ERI1: variants seen among roughly 807,000 people sequenced by gnomAD.
ERI1 encodes 3'-5' exoribonuclease 1.
Under a neutral mutation model 39.7 loss-of-function variants are expected in ERI1, and 39 were observed. The ratio of observed to expected loss-of-function variants is 0.98; its 90% CI spans 0.76 to 1.28. The LOEUF is 1.28. Ranked by LOEUF, ERI1 falls within the 50% of genes most tolerant of loss-of-function variation. The pLI, the probability that ERI1 is intolerant of heterozygous loss-of-function variation, is 0.00. For missense variants in ERI1, 581 were observed against 416.9 expected, an observed-to-expected ratio of 1.39 and a Z score of -3.43; for synonymous variants, 204 against 149.6, an observed-to-expected ratio of 1.36 and a Z score of -2.65.
chr8:9,027,120 A>G (rs929950935), intron 6 of ERI1, among the ~76,000 whole-genome samples: 2 of 142,534 alleles, frequency 1.4e-5, no homozygotes, highest in African/African-American at 2.6e-5. Context: ...ATCTCTGTCA[A>G]TGCTTGTTAT....
chr8:9,011,065 GACTA>G (rs1816615798), intron 2 of ERI1, among the ~76,000 whole-genome samples: 1 of 151,918 alleles, frequency 6.6e-6, no homozygotes, highest in Non-Finnish European at 1.5e-5. Flanking sequence ...CTTTTGAGTT[GACTA>G]ACCTACAAAA....
chr8:9,044,656 C>A (rs570013237), intron 3 of ERI1, among the ~76,000 whole-genome samples: 1 of 152,134 alleles, frequency 6.6e-6, no homozygotes, highest in African/African-American at 2.4e-5. Context: ...CCTTGAAGAA[C>A]AAATCATGAC....
intron 3 of ERI1, among the ~76,000 whole-genome samples, chr8:9,038,879 AGG>A (rs936916012): frequency 9.2e-5 from 14 of 152,222 alleles, no homozygotes; most frequent in African/African-American, 3.4e-4. Flanking sequence ...CTAGAATGAA[AGG>A]GGGTCCAGCA....
intron 6 of ERI1, among the ~76,000 whole-genome samples, chr8:9,022,914 G>A (rs540484320): frequency 1.3e-5 from 2 of 152,218 alleles, no homozygotes; most frequent in South Asian, 4.1e-4. Context: ...TATGTTATCT[G>A]ATCTGTAAAA....
chr8:9,060,941 G>A (rs1420895339), intron 3 of ERI1, among the ~76,000 whole-genome samples: 1 of 152,216 alleles, frequency 6.6e-6, no homozygotes, highest in Non-Finnish European at 1.5e-5. Flanking sequence ...CTTGCGTAGT[G>A]AGGAAACCTC....
intron 3 of ERI1, among the ~76,000 whole-genome samples, chr8:9,012,926 T>G (rs1816820478): frequency 1.3e-5 from 1 of 75,964 alleles, no homozygotes; most frequent in South Asian, 2.8e-4. Context: ...CAATAAAGTT[T>G]AAGCTGTGTA....
rs553042070 is a variant in ERI1 at position 9,074,327 on chromosome 8, ACTTGAACTCCTGAC to A, written n.300-42004_300-41991del. Among the ~76,000 whole-genome samples, 749 of 149,078 alleles carry A rather than the reference ACTTGAACTCCTGAC, an allele frequency of 5.0e-3. 6 individuals carry two copies. The highest frequency in any genetic ancestry group is 0.018 in the African/African-American group (723 of 40,330). ...AGTTTCACCATGTTGGCCAGGCTGG[ACTTGAACTCCTGAC>A]CTTGAACTCCTGACCTCAAGTGATC... On this transcript the variant is annotated intron_variant and non_coding_transcript_variant, in intron 3 of 3. Coordinates refer to the ERI1 transcript ENST00000518663.
chr8:9,023,618 G>T (rs1464099349), intron 6 of ERI1, among the ~76,000 whole-genome samples: 3 of 151,856 alleles, frequency 2.0e-5, no homozygotes, highest in African/African-American at 7.3e-5. Context: ...CTTCGTAATA[G>T]ATAACTATAA....
At position 9,032,851 on chromosome 8, in the gene ERI1, G is replaced by A. The variant is rs1797687002; in HGVS notation, c.*2817G>A. 1 of 152,212 alleles carries A rather than the reference G, an allele frequency of 6.6e-6. No homozygotes were observed. Among genetic ancestry groups the A allele is most frequent in the Non-Finnish European group, 1.5e-5 (1 of 68,048 alleles). 9.4% of individuals were successfully genotyped at this position (152,212 alleles called of 1,614,324 possible). On this transcript the variant is annotated 3_prime_UTR_variant, in exon 7 of 7. Coordinates refer to ENST00000250263, the MANE Select transcript of ERI1 (RefSeq NM_153332.4). ...TGCCAAAGAAACTACCTGCCTCACA[G>A]ATGAGCACGCACGGGTGCATTGTCA... is the stretch of plus-strand genomic sequence containing the variant.
intron 5 of ERI1, 65 bp from the exon 6 acceptor site, chr8:9,020,285 A>G (rs1817738417): frequency 1.6e-5 from 12 of 771,052 alleles, no homozygotes; most frequent in Middle Eastern, 2.6e-4. Context: ...ATGATTTAAA[A>G]TACTCATTTG....
rs993798434 is a variant in ERI1 at position 9,091,033 on chromosome 8, T to C, written n.300-25315T>C. ...GGACACCAATGATCTTCTGAAAATA[T>C]TTTTTTCCAAAAATCAACAGTCTTT... On this transcript the variant is annotated intron_variant and non_coding_transcript_variant, in intron 3 of 3. Coordinates refer to the ERI1 transcript ENST00000518663. 3.3e-5 allele frequency among the ~76,000 whole-genome samples: 5 copies of C among 152,188 alleles called. No homozygotes were observed. In the East Asian group the frequency reaches 9.6e-4, roughly 29 times the overall value.
At chr8:9,093,354 C>G (rs1225449222) in intron 3 of ERI1, among the ~76,000 whole-genome samples, 4 of 152,098 alleles carry the variant, frequency 2.6e-5, no homozygotes, top group African/African-American at 9.7e-5. Context: ...GCAGGTTGGA[C>G]AAGCTTGAAA....
intron 6 of ERI1, among the ~76,000 whole-genome samples, chr8:9,022,744 T>G (rs1275659842): frequency 6.6e-6 from 1 of 152,168 alleles, no homozygotes; most frequent in African/African-American, 2.4e-5. Flanking sequence ...TTTGTGAATT[T>G]TTTTAAAAAT....
At chr8:9,098,668 A>C (rs535066639) in intron 3 of ERI1, among the ~76,000 whole-genome samples, 1 of 152,182 alleles carries the variant, frequency 6.6e-6, no homozygotes, top group Non-Finnish European at 1.5e-5. Context: ...AAGTCACCAC[A>C]AAAGACCTTA....
At chr8:9,053,866 C>T (rs949400241) in intron 3 of ERI1, among the ~76,000 whole-genome samples, 1 of 152,208 alleles carries the variant, frequency 6.6e-6, no homozygotes, top group African/African-American at 2.4e-5. Flanking sequence ...CTATTGCCTC[C>T]AGAGAACCAC....
At chr8:9,056,688 T>C (rs1396074766) in intron 3 of ERI1, among the ~76,000 whole-genome samples, 1 of 152,246 alleles carries the variant, frequency 6.6e-6, no homozygotes, top group Non-Finnish European at 1.5e-5. Flanking sequence ...TATTATAGTT[T>C]TTAAAAACCT....
At chr8:9,084,574 C>T (rs1408134841) in intron 3 of ERI1, among the ~76,000 whole-genome samples, 1 of 152,176 alleles carries the variant, frequency 6.6e-6, no homozygotes, top group Non-Finnish European at 1.5e-5. Flanking sequence ...GACCTTCTTG[C>T]TGCAAGATTT....
At chr8:9,079,948 G>C (rs1267165628) in intron 3 of ERI1, among the ~76,000 whole-genome samples, 1 of 150,866 alleles carries the variant, frequency 6.6e-6, no homozygotes, top group Non-Finnish European at 1.5e-5. Flanking sequence ...TGTGATTACA[G>C]GTGTAAGCCA....
chr8:9,090,931 A>G (rs941918010), intron 3 of ERI1, among the ~76,000 whole-genome samples: 3 of 152,220 alleles, frequency 2.0e-5, no homozygotes, highest in Non-Finnish European at 4.4e-5. Context: ...TAAACTTTTT[A>G]TAGTGTGTAA....
Sources: gnomAD v4.1 joint callset for allele counts (sites outside exome capture counted in the v4.1 genomes callset) on GRCh38, gnomAD v4.1.1 for gene constraint, MANE v1.5 for transcripts, NCBI Gene and HGNC (gene_info 2026-07-23, HGNC 2026-07-21) for gene names.